The following VPS39 variants were observed in gnomAD, a reference collection of about 807,000 sequenced individuals.
VPS39 encodes the protein VPS39 subunit of HOPS complex.
VPS39 carries 70 observed loss-of-function variants against 121.0 expected under a neutral mutation model. That is an observed-to-expected ratio of 0.58 (90% CI 0.48 to 0.71). VPS39 has a LOEUF of 0.71. Among genes scored for constraint, VPS39 ranks in the 30% least tolerant of loss-of-function variants. VPS39 has a pLI of 0.00. For missense variants in VPS39, 818 were observed against 1,051.5 expected (o/e 0.78, Z 3.07); for synonymous variants, 378 against 398.1 (o/e 0.95, Z 0.60).
intron 4 of VPS39, among the ~76,000 whole-genome samples, chr15:42,189,794 CTTTTTTT>C (rs34353468): frequency 4.7e-4 from 16 of 34,026 alleles, no homozygotes; most frequent in East Asian, 2.8e-3. Context: ...CCAAAACACT[CTTTTTTT>C]TTTTTTTTTT....
chr15:42,162,092 A>AT lies in VPS39; in HGVS notation c.2399dup (p.Asn800LysfsTer46), dbSNP rs1194688759. 1 of 1,614,176 alleles carries AT rather than the reference A, an allele frequency of 6.2e-7. No individual in the cohort carries two copies. ...CTTGATTGAACCGTTTCTTTTGTGCATTTTCTTCCAAGACCTTTTCCAGGA... is the reference window on the plus strand; with the variant it reads ...CTTGATTGAACCGTTTCTTTTGTGCATTTTTCTTCCAAGACCTTTTCCAGGA... On this transcript the variant is annotated frameshift_variant, in exon 23 of 25. Coordinates refer to ENST00000318006, the MANE Select transcript of VPS39 (RefSeq NM_015289.5). LOFTEE classifies it high-confidence loss of function.
rs2049151534 is a variant in VPS39 at position 42,162,498 on chromosome 15, TGA to T, written c.2176-19_2176-18del. 1.9e-6 allele frequency: 3 copies of T among 1,581,222 alleles called. No homozygotes were observed. The highest frequency in any genetic ancestry group is 2.3e-5 in the South Asian group (2 of 87,142). On this transcript the variant is annotated intron_variant, in intron 21 of 24. Coordinates refer to ENST00000318006, the MANE Select transcript of VPS39 (RefSeq NM_015289.5). The stretch of plus-strand genomic sequence containing the variant: ...CAGATACACCTGTCTCAGAGAGACA[TGA>T]GCTACGTCAGGCTGGCAGCAACCCT...
At chr15:42,192,415 C>A (rs973601500) in intron 2 of VPS39, among the ~76,000 whole-genome samples, 3 of 152,120 alleles carry the variant, frequency 2.0e-5, no homozygotes, top group African/African-American at 7.2e-5. Flanking sequence ...ACAAGCAAAC[C>A]CAGGCTGACT....
chr15:42,179,172 A>T (rs1648639073), intron 8 of VPS39: 1 of 152,450 alleles, frequency 6.6e-6, no homozygotes, highest in African/African-American at 2.4e-5. Flanking sequence ...TTCATCAGTC[A>T]CAAAGCCAGG....
chr15:42,184,394 G>C (rs1355891783), intron 8 of VPS39, 123 bp downstream of exon 8: 1 of 980,686 alleles, frequency 1.0e-6, no homozygotes, highest in African/African-American at 1.6e-5. Flanking sequence ...TATAAGAAGG[G>C]GAACTGAAAG....
In VPS39 at chr15:42,164,389, T is replaced by C. The variant is rs1313874757; in HGVS notation, c.1995A>G (p.Pro665=). The C allele has an allele frequency of 6.2e-7, 1 of 1,614,050 alleles. No individual in the cohort carries two copies. The highest frequency in any genetic ancestry group is 8.5e-7 in the Non-Finnish European group (1 of 1,180,006). Residue 665 remains proline (P), a synonymous_variant, in exon 19 of 25, where the codon CCA becomes CCG. Coordinates refer to ENST00000318006, the MANE Select transcript of VPS39 (RefSeq NM_015289.5). ...AGGGAAAATCACAGATGAGCCGGCC[T>C]GGATCATAGTAGCTGGAAATCTCCA... The part of the protein sequence containing the change: ...MFLEISSYYD[P]GRLICDFPFD...
intron 2 of VPS39, among the ~76,000 whole-genome samples, chr15:42,195,474 C>G (rs2928333): frequency 0.13 from 20,515 of 152,136 alleles, 1,737 homozygotes; most frequent in South Asian, 0.24. Context: ...TCAGCAAAGT[C>G]TCAGGATACA....
rs891432930 is a variant in VPS39, at chr15:42,160,728, T to A, written c.*26A>T. ...CTCTCTGGGAGAGCCAAGCTGTCCA[T>A]CCGCTGGATCCCCAGGATGCTGGGC... On this transcript the variant is annotated 3_prime_UTR_variant, in exon 25 of 25. Coordinates refer to ENST00000318006, the MANE Select transcript of VPS39 (RefSeq NM_015289.5). 1.2e-6 allele frequency: 2 copies of A among 1,607,882 alleles called. No homozygotes were observed. Among genetic ancestry groups the A allele is most frequent in the Non-Finnish European group, 1.7e-6 (2 of 1,174,294 alleles).
intron 10 of VPS39, among the ~76,000 whole-genome samples, chr15:42,177,879 C>T (rs1192329597): frequency 6.6e-6 from 1 of 152,192 alleles, no homozygotes; most frequent in African/African-American, 2.4e-5. Context: ...GTTGGCCAAG[C>T]TGGTCTCGAA....
intron 12 of VPS39, 48 bp downstream of exon 12, chr15:42,169,676 A>G: frequency 6.5e-7 from 1 of 1,540,986 alleles, no homozygotes; most frequent in Non-Finnish European, 8.8e-7. Flanking sequence ...AGAAACAAGT[A>G]CTGAAACTCC....
intron 21 of VPS39, chr15:42,162,698 G>A: frequency 2.1e-6 from 1 of 465,416 alleles, no homozygotes; most frequent in South Asian, 6.1e-5. Flanking sequence ...AAAACCAAAT[G>A]CCTTGTATTC....
chr15:42,187,617 T>C, intron 6 of VPS39, 141 bp downstream of exon 6: 2 of 792,758 alleles, frequency 2.5e-6, no homozygotes, highest in South Asian at 1.6e-5. Flanking sequence ...ATATTACAAG[T>C]AGGCATCAAC....
chr15:42,170,256 G>C (rs1274547510), intron 11 of VPS39, among the ~76,000 whole-genome samples: 2 of 152,088 alleles, frequency 1.3e-5, no homozygotes, highest in African/African-American at 4.8e-5. Flanking sequence ...AAGACAACAG[G>C]CTAGGGAATA....
At chr15:42,194,338 G>A (rs1036434036) in intron 2 of VPS39, among the ~76,000 whole-genome samples, 3 of 152,018 alleles carry the variant, frequency 2.0e-5, no homozygotes, top group African/African-American at 7.2e-5. Context: ...GCCAGGCATG[G>A]TGGTGGGCGC....
rs114123028 is a variant in VPS39 at position 42,199,002 on chromosome 15, G to A, written c.139+894C>T. 5.0e-3 allele frequency among the ~76,000 whole-genome samples: 760 copies of A among 152,250 alleles called. 5 individuals are homozygous for A. The highest frequency in any genetic ancestry group is 0.017 in the African/African-American group (721 of 41,534). On this transcript the variant is annotated intron_variant, in intron 2 of 24. Coordinates refer to ENST00000318006, the MANE Select transcript of VPS39 (RefSeq NM_015289.5). ...TCTCTTTCCCGAGTGCACTAGTAAG[G>A]TGCTTTTTCCCCCAGTGTTACCCTT...
Position 42,208,064 on chromosome 15 carries a change from G to GCGGCCCCT in VPS39, c.73+9_73+16dup. ...CCTGTGCTGACTCCGCCTCGGCCCC[G>GCGGCCCCT]CGGCCCCTCGGCTCACCCCAGGCAG... is the stretch of plus-strand genomic sequence containing the variant. On this transcript the variant is annotated intron_variant, in intron 1 of 24. Transcript: ENST00000318006. 3 of 1,569,568 alleles carry GCGGCCCCT rather than the reference G, an allele frequency of 1.9e-6. No individual in the cohort carries two copies. The highest frequency in any genetic ancestry group is 2.6e-6 in the Non-Finnish European group (3 of 1,156,612).
At position 42,208,222 on chromosome 15, in the gene VPS39, G is replaced by C. The variant is rs1193360446; in HGVS notation, c.-69C>G. 2.6e-6 allele frequency: 4 copies of C among 1,543,314 alleles called. No individual in the cohort carries two copies. In the South Asian group the frequency reaches 4.8e-5, roughly 18 times the overall value. ...TCCGGGCCGGGCTGGGGTCCGGAAC[G>C]AGTCTGGGCTAAGGGTAGACCGGGA... On this transcript the variant is annotated 5_prime_UTR_variant, in exon 1 of 25. Coordinates refer to ENST00000318006, the MANE Select transcript of VPS39 (RefSeq NM_015289.5).
intron 3 of VPS39, 94 bp from the exon 4 acceptor site, chr15:42,191,261 G>A (rs1248606412): frequency 4.9e-6 from 7 of 1,428,654 alleles, no homozygotes; most frequent in Non-Finnish European, 6.8e-6. Flanking sequence ...GGACCACGGA[G>A]CCTATCCAGT....
Position 42,184,579 on chromosome 15 carries a change from T to C in VPS39, c.656A>G (p.Asn219Ser), listed in dbSNP as rs759201149. The C allele has an allele frequency of 3.1e-6, 5 of 1,614,160 alleles. No homozygotes were observed. Among genetic ancestry groups the C allele is most frequent in the Admixed American group, 1.7e-5 (1 of 60,014 alleles). Reference protein sequence around the residue: ...VGQDDLTVVLNEEGICTQKCA... With the variant: ...VGQDDLTVVLSEEGICTQKCA... ...TTTCTGTGTGCAGATCCCTTCCTCATTGAGTACCACGGTGAGATCATCCTG... is the reference window on the plus strand; with the variant it reads ...TTTCTGTGTGCAGATCCCTTCCTCACTGAGTACCACGGTGAGATCATCCTG... Residue 219 changes from asparagine (N) to serine (S), a missense_variant, in exon 8 of 25, where the codon AAT (asparagine) becomes AGT (serine). Asn to Ser is a conservative substitution (Grantham distance 46). Coordinates refer to ENST00000318006, the MANE Select transcript of VPS39 (RefSeq NM_015289.5).
Sources: gnomAD v4.1 joint callset for allele counts (sites outside exome capture counted in the v4.1 genomes callset) on GRCh38, gnomAD v4.1.1 for gene constraint, MANE v1.5 for transcripts, NCBI Gene and HGNC (gene_info 2026-07-23, HGNC 2026-07-21) for gene names.